The following MYH6 variants were observed in gnomAD, a reference collection of about 807,000 sequenced individuals.
The protein encoded by MYH6 is myosin heavy chain 6.
MYH6 carries 126 observed loss-of-function variants against 223.2 expected under a neutral mutation model. That is an observed-to-expected ratio of 0.56 (90% CI 0.49 to 0.65). The LOEUF (loss-of-function observed/expected upper bound fraction) is 0.65, where lower values mean the gene tolerates loss of function less well. Among genes scored for constraint, MYH6 ranks in the 30% least tolerant of loss-of-function variants. MYH6 has a pLI of 0.00. For missense variants in MYH6, 2,040 were observed against 2,536.4 expected (o/e 0.80, Z 4.20); for synonymous variants, 978 against 1,010.2 (o/e 0.97, Z 0.61).
At chr14:23,403,296 T>G in intron 10 of MYH6, 52 bp downstream of exon 10, 5 of 1,444,836 alleles carry the variant, frequency 3.5e-6, no homozygotes, top group Non-Finnish European at 4.9e-6. Context: ...GCAGGAGTCG[T>G]TGGGGTGTGC....
In MYH6 at chr14:23,389,666, G is replaced by A. The variant is rs775907910; in HGVS notation, c.3786C>T (p.Arg1262=). ...AGCGTTGGGCCTCTTCTAGCTTCAC[G>A]CGGTACTCATTGGCCTGGTCCTCCA... is the stretch of plus-strand genomic sequence containing the variant. ...RTLEDQANEY[R]VKLEEAQRSL... The change falls in exon 27 of 39, where the codon CGC becomes CGT. Residue 1262 remains arginine (R), a synonymous_variant. Coordinates refer to ENST00000405093, the MANE Select transcript of MYH6 (RefSeq NM_002471.4). 1.5e-5 allele frequency: 25 copies of A among 1,614,028 alleles called. No homozygotes were observed. Among genetic ancestry groups the A allele is most frequent in the Non-Finnish European group, 1.6e-5 (19 of 1,180,042 alleles).
chr14:23,401,020 T>A (rs1490181605), intron 12 of MYH6, 43 bp from the exon 13 acceptor site: 4 of 1,601,482 alleles, frequency 2.5e-6, no homozygotes. Context: ...CCTTTTTTTT[T>A]TTTTAAGATA....
intron 38 of MYH6, 68 bp from the exon 39 acceptor site, chr14:23,382,131 T>G (rs1423920898): frequency 4.7e-6 from 7 of 1,476,308 alleles, no homozygotes; most frequent in Non-Finnish European, 6.6e-6. Context: ...GACAAATCCC[T>G]GGGGCTTTCA....
rs369942086 is a variant in MYH6 at position 23,390,194 on chromosome 14, C to A, written c.3595G>T (p.Ala1199Ser). 6 of 1,605,950 alleles carry A rather than the reference C, an allele frequency of 3.7e-6. No individual in the cohort carries two copies. The highest frequency in any genetic ancestry group is 5.1e-6 in the Non-Finnish European group (6 of 1,175,188). ...ATAAALRKKHADSVAELGEQI... is the reference protein window; with the variant it reads ...ATAAALRKKHSDSVAELGEQI... ...TCGCCCAGCTCGGCCACGCTGTCGG[C>A]GTGCTTCTTGCGCAGGGCCGCGGCA... Residue 1199 changes from alanine to serine, a missense_variant, in exon 26 of 39, where the codon GCC (alanine) becomes TCC (serine). Physicochemically the swap from Ala to Ser is moderately conservative, Grantham distance 99. Transcript: ENST00000405093.
At position 23,386,514 on chromosome 14, in the gene MYH6, T is replaced by A. The variant is rs924929069; in HGVS notation, c.4760A>T (p.Gln1587Leu). ...CACCCGCTGGTGGTTGCGCTTGGCCTGTTCCATCTCCTCGTCCTTCTCTGC... is the reference window on the plus strand; with the variant it reads ...CACCCGCTGGTGGTTGCGCTTGGCCAGTTCCATCTCCTCGTCCTTCTCTGC... The part of the protein sequence containing the change: ...KLAEKDEEME[Q>L]AKRNHQRVVD... Residue 1587 changes from glutamine to leucine, a missense_variant, in exon 33 of 39, where the codon CAG becomes CTG. Transcript: ENST00000405093. 5 of 1,614,068 alleles carry A rather than the reference T, an allele frequency of 3.1e-6. No homozygotes were observed. The highest frequency in any genetic ancestry group is 4.2e-6 in the Non-Finnish European group (5 of 1,180,048).
At chr14:23,402,442 G>T in intron 12 of MYH6, 22 bp downstream of exon 12, 2 of 1,611,658 alleles carry the variant, frequency 1.2e-6, no homozygotes, top group Non-Finnish European at 8.5e-7. Flanking sequence ...CCTTCCCAGG[G>T]CTGCCTGCCT....
At chr14:23,399,228 C>T (rs1891523747) in intron 14 of MYH6, among the ~76,000 whole-genome samples, 191 bp from the exon 15 acceptor site, 1 of 152,164 alleles carries the variant, frequency 6.6e-6, no homozygotes, top group Non-Finnish European at 1.5e-5. Flanking sequence ...CTTCCTCCTC[C>T]TTTCTGCCCA....
chr14:23,405,018 C>T lies in MYH6; in HGVS notation c.530+82G>A. 1 of 1,603,246 alleles carries T rather than the reference C, an allele frequency of 6.2e-7. No homozygotes were observed. On this transcript the variant is annotated intron_variant, in intron 6 of 38. Coordinates refer to ENST00000405093, the MANE Select transcript of MYH6 (RefSeq NM_002471.4). This position sits in a 1 kb window ranked among gnomAD's most constrained non-coding sequence, Gnocchi z 4.7. ...TGCTCCCTGCAATCCCAGCCTTAAA[C>T]CTCTCCTCCCAACTACACCCTAGGC...
At position 23,390,312 on chromosome 14, in the gene MYH6, C is replaced by G. The variant is rs573242724; in HGVS notation, c.3477G>C (p.Thr1159=). ...TCTTGTTCATCTCGATCTGCACGGA[C>G]GTGGCCCCGCCGGCCTCTTCCAGCC... The part of the protein sequence containing the change: ...SERLEEAGGA[T]SVQIEMNKKR... The change falls in exon 26 of 39, where the codon ACG becomes ACC. Residue 1159 remains threonine (T), a synonymous_variant. Transcript: ENST00000405093. 2 of 1,606,588 alleles carry G rather than the reference C, an allele frequency of 1.2e-6. No individual in the cohort carries two copies. The highest frequency in any genetic ancestry group is 2.2e-5 in the East Asian group (1 of 44,770).
chr14:23,389,636 G>A lies in MYH6; in HGVS notation c.3816C>T (p.Leu1272=). The A allele has an allele frequency of 6.2e-7, 1 of 1,614,194 alleles. No homozygotes were observed. The highest frequency in any genetic ancestry group is 8.5e-7 in the Non-Finnish European group (1 of 1,180,038). Residue 1272 remains leucine (L), a synonymous_variant, in exon 27 of 39, where the codon CTC becomes CTT. Coordinates refer to ENST00000405093, the MANE Select transcript of MYH6 (RefSeq NM_002471.4). ...TGGCTCGCTGGGTGGTGAAATCATT[G>A]AGGGAGCGTTGGGCCTCTTCTAGCT... ...RVKLEEAQRS[L]NDFTTQRAKL...
chr14:23,405,243 G>A lies in MYH6; in HGVS notation c.482C>T (p.Ala161Val). 6.2e-7 allele frequency: 1 copy of A among 1,614,166 alleles called. No homozygotes were observed. The highest frequency in any genetic ancestry group is 1.1e-5 in the South Asian group (1 of 91,082). Residue 161 changes from alanine to valine, a missense_variant, in exon 5 of 39, where the codon GCC (alanine) becomes GTC (valine). By Grantham distance (64) the Ala-to-Val change is moderately conservative (BLOSUM62 0). Around this residue, in one of 4 missense-constraint regions of MYH6, gnomAD observed 184 missense variants for 232.4 expected, o/e 0.79. Coordinates refer to ENST00000405093, the MANE Select transcript of MYH6 (RefSeq NM_002471.4). The surrounding 1 kb of genome is among the most constrained non-coding windows in gnomAD (Gnocchi z 4.7). Reference sequence around the variant, plus strand: ...CTCACCTGTCAGCATGTACTGATAGGCGTTGTCGGAGATGGAGAAGATGTG... The same window carrying A: ...CTCACCTGTCAGCATGTACTGATAGACGTTGTCGGAGATGGAGAAGATGTG... The part of the protein sequence containing the change: ...PPHIFSISDN[A>V]YQYMLTDREN...
In MYH6 at chr14:23,393,392, C is replaced by G; in HGVS notation, c.3055G>C (p.Val1019Leu). The G allele has an allele frequency of 6.2e-7, 1 of 1,614,172 alleles. No individual in the cohort carries two copies. The highest frequency in any genetic ancestry group is 8.5e-7 in the Non-Finnish European group (1 of 1,180,036). Residue 1019 changes from valine (V) to leucine (L), a missense_variant, in exon 23 of 39, where the codon GTC (valine) becomes CTC (leucine). By Grantham distance (32) the Val-to-Leu change is conservative. This residue lies in a region of MYH6 where 1,203 missense variants were observed against 1,400.2 expected (regional missense o/e 0.86). Coordinates refer to ENST00000405093, the MANE Select transcript of MYH6 (RefSeq NM_002471.4). ...ACCTTAGACTTGGACAGGCTGTTGA[C>G]CTTGTCTTCCTCAACCTGAAGGTCA... Reference protein sequence around the residue: ...LDDLQVEEDKVNSLSKSKVKL... With the variant: ...LDDLQVEEDKLNSLSKSKVKL...
intron 26 of MYH6, 53 bp from the exon 27 acceptor site, chr14:23,389,772 A>C (rs1891174271): frequency 3.7e-6 from 6 of 1,613,814 alleles, no homozygotes; most frequent in Non-Finnish European, 5.1e-6. Flanking sequence ...AGTCGACCAG[A>C]GGAAGGAAGA....
Position 23,400,730 on chromosome 14 carries a change from G to A in MYH6, c.1389C>T (p.Ile463=), listed in dbSNP as rs771613733. 1.5e-5 allele frequency: 24 copies of A among 1,614,132 alleles called. No homozygotes were observed. Among genetic ancestry groups the A allele is most frequent in the Non-Finnish European group, 1.8e-5 (21 of 1,180,060 alleles). The part of the protein sequence containing the change: ...PRQYFIGVLD[I]AGFEIFDFNS... ...TCACGTCGAAGATCTCGAAGCCAGC[G>A]ATGTCCAGGACTCCTATGAAGTACT... Residue 463 remains isoleucine (I), a synonymous_variant, in exon 13 of 39, where the codon ATC becomes ATT. Coordinates refer to ENST00000405093, the MANE Select transcript of MYH6 (RefSeq NM_002471.4).
rs767537703 is a variant in MYH6, at chr14:23,402,476, C to G, written c.1129G>C (p.Asp377His). 6.2e-7 allele frequency: 1 copy of G among 1,613,400 alleles called. No homozygotes were observed. Among genetic ancestry groups the G allele is most frequent in the Non-Finnish European group, 8.5e-7 (1 of 1,179,984 alleles). Residue 377 changes from aspartate to histidine, a missense_variant, in exon 12 of 39, where the codon GAC (aspartate) becomes CAC (histidine). Physicochemically the swap from Asp to His is moderately conservative, Grantham distance 81. This residue lies in a region of MYH6 where 649 missense variants were observed against 877.3 expected (regional missense o/e 0.74). Transcript: ENST00000405093. ...CTGCCCCTCCCACCTTCGGTGCCGT[C>G]TGGCTCCGCCTGCTCCTCCCGCTGC... is the stretch of plus-strand genomic sequence containing the variant. ...QKQREEQAEP[D>H]GTEDADKSAY...
chr14:23,399,864 T>C (rs17212041), intron 14 of MYH6: 29,339 of 318,992 alleles, frequency 0.092, 1,655 homozygotes, highest in South Asian at 0.15. Flanking sequence ...TTCTGAGGAA[T>C]GCCCATAAGC....
At chr14:23,385,142 TA>T (rs58671554) in intron 34 of MYH6, 101 bp from the exon 35 acceptor site, 37,723 of 1,380,714 alleles carry the variant, frequency 0.027, 926 homozygotes, top group African/African-American at 0.14. Context: ...ATTTTTTTTT[TA>T]AAACAACAAG....
Position 23,393,805 on chromosome 14 carries a change from T to G in MYH6, c.2789A>C (p.Asp930Ala). The stretch of plus-strand genomic sequence containing the variant: ...GAGCTCCGCGTTCATCTCCTCCTCA[T>G]CCTCCAGCCTCTCATTCATCTCCTT... Reference protein sequence around the residue: ...KVKEMNERLEDEEEMNAELTA... With the variant: ...KVKEMNERLEAEEEMNAELTA... Residue 930 changes from aspartate to alanine, a missense_variant, in exon 22 of 39, where the codon GAT becomes GCT. Asp to Ala is a moderately radical substitution (Grantham distance 126). Around this residue, in one of 4 missense-constraint regions of MYH6, gnomAD observed 1,203 missense variants for 1,400.2 expected, o/e 0.86. Transcript: ENST00000405093. The G allele has an allele frequency of 6.2e-7, 1 of 1,614,224 alleles. No homozygotes were observed. Among genetic ancestry groups the G allele is most frequent in the Non-Finnish European group, 8.5e-7 (1 of 1,180,044 alleles).
chr14:23,382,077 A>C lies in MYH6; in HGVS notation c.5797-14T>G. On this transcript the variant is annotated splice_polypyrimidine_tract_variant and intron_variant, in intron 38 of 38. Coordinates refer to ENST00000405093, the MANE Select transcript of MYH6 (RefSeq NM_002471.4). ...GTGCATTTTTTGCTGCAAAAAGAAT[A>C]AGAGGTGTGAGGGGGCAGCTGGCAA... 2 of 1,613,438 alleles carry C rather than the reference A, an allele frequency of 1.2e-6. No homozygotes were observed. The highest frequency in any genetic ancestry group is 1.7e-6 in the Non-Finnish European group (2 of 1,179,392).
Sources: allele counts gnomAD v4.1 joint callset (sites outside exome capture counted in the v4.1 genomes callset), GRCh38; gene constraint gnomAD v4.1.1; regional missense constraint gnomAD v4.1.1; non-coding constraint Gnocchi (gnomAD v3.1); transcripts MANE v1.5; gene names NCBI Gene and HGNC (gene_info 2026-07-23, HGNC 2026-07-21).